Variants in GTF2A1L observed in about 807,000 individuals in gnomAD.
The protein encoded by GTF2A1L is TFIIA-alpha and beta-like factor.
Under a neutral mutation model 49.7 loss-of-function variants are expected in GTF2A1L, and 48 were observed. The observed-to-expected ratio is 0.97, with a 90% CI of 0.77 to 1.23. GTF2A1L has a LOEUF of 1.23. GTF2A1L is among the 50% of genes most tolerant of loss of function. The probability of loss-of-function intolerance (pLI) is 0.00; values close to 1 mark genes in which losing one functional copy is unlikely to be tolerated. For missense variants in GTF2A1L, 736 were observed against 564.8 expected (o/e 1.30, Z -3.07); for synonymous variants, 246 against 193.5 (o/e 1.27, Z -2.25).
At chr2:48,661,530 A>G (rs1678499630) in intron 6 of GTF2A1L, among the ~76,000 whole-genome samples, 1 of 152,104 alleles carries the variant, frequency 6.6e-6, no homozygotes, top group Admixed American at 6.5e-5. Context: ...CTGGGATTAC[A>G]AGCATGAGCC....
At chr2:48,657,673 A>G (rs1044542530) in intron 6 of GTF2A1L, among the ~76,000 whole-genome samples, 5 of 152,064 alleles carry the variant, frequency 3.3e-5, no homozygotes, top group Admixed American at 6.6e-5. Flanking sequence ...GAAATCTCCA[A>G]ACTGCTTTCC....
intron 8 of GTF2A1L, among the ~76,000 whole-genome samples, chr2:48,673,464 A>C (rs1679284577): frequency 6.6e-6 from 1 of 151,032 alleles, no homozygotes; most frequent in Non-Finnish European, 1.5e-5. Flanking sequence ...CCGGGTTCAA[A>C]GGATCTTCCT....
chr2:48,646,689 C>G lies in GTF2A1L; in HGVS notation c.625C>G (p.His209Asp), dbSNP rs1430384951. 1 of 1,614,130 alleles carries G rather than the reference C, an allele frequency of 6.2e-7. No homozygotes were observed. The highest frequency in any genetic ancestry group is 8.5e-7 in the Non-Finnish European group (1 of 1,180,010). Residue 209 changes from histidine (H) to aspartate (D), a missense_variant, in exon 6 of 9, where the codon CAC becomes GAC. Coordinates refer to ENST00000403751, the MANE Select transcript of GTF2A1L (RefSeq NM_006872.5). The part of the protein sequence containing the change: ...ILPSGPVDRK[H>D]LENATSDILV... ...ACCTTCTGGGCCAGTAGATAGGAAACACTTAGAAAATGCCACCAGTGATAT... is the reference window on the plus strand; with the variant it reads ...ACCTTCTGGGCCAGTAGATAGGAAAGACTTAGAAAATGCCACCAGTGATAT...
At chr2:48,659,598 C>T (rs1057381479) in intron 6 of GTF2A1L, among the ~76,000 whole-genome samples, 3 of 151,978 alleles carry the variant, frequency 2.0e-5, no homozygotes, top group Non-Finnish European at 2.9e-5. Context: ...TTTTTGAATC[C>T]ATGAACTTGG....
In GTF2A1L at chr2:48,620,891, G is replaced by A. The variant is rs1221994408; in HGVS notation, c.62G>A (p.Gly21Glu). 3.1e-6 allele frequency: 5 copies of A among 1,602,584 alleles called. No individual in the cohort carries two copies. Among genetic ancestry groups the A allele is most frequent in the Non-Finnish European group, 4.3e-6 (5 of 1,174,804 alleles). The change falls in exon 2 of 9, where the codon GGA becomes GAA. Residue 21 changes from glycine (G) to glutamate (E), a missense_variant. Gly to Glu is a moderately conservative substitution (Grantham distance 98, BLOSUM62 -2). Transcript: ENST00000403751. ...YRSVIEDVIE[G>E]VRNLFAEEGI... ...TCTGTAATTGAAGATGTAATTGAAG[G>A]AGTTCGGAATCTATTTGCTGAAGAA...
At position 48,626,060 on chromosome 2, in the gene GTF2A1L, G is replaced by C; in HGVS notation, c.247+4770G>C. On this transcript the variant is annotated intron_variant, in intron 3 of 8. Coordinates refer to ENST00000403751, the MANE Select transcript of GTF2A1L (RefSeq NM_006872.5). Reference sequence around the variant, plus strand: ...ATTTTTATGTATGGTATGAAAATAAGAGTCCATTTCATTCTTTTGTGTGTG... The same window carrying C: ...ATTTTTATGTATGGTATGAAAATAACAGTCCATTTCATTCTTTTGTGTGTG... 1.4e-5 allele frequency among the ~76,000 whole-genome samples: 2 copies of C among 144,094 alleles called. 1 individual carries two copies. The highest frequency in any genetic ancestry group is 3.1e-5 in the Non-Finnish European group (2 of 64,026). The allele number at this position is 144,094 out of a possible 152,430, so 94.5% of individuals were successfully genotyped here.
intron 3 of GTF2A1L, among the ~76,000 whole-genome samples, chr2:48,640,488 C>G (rs1558723823): frequency 6.6e-6 from 1 of 151,728 alleles, no homozygotes; most frequent in Non-Finnish European, 1.5e-5. Flanking sequence ...ATGATGAGAA[C>G]TCATGAACAC....
At chr2:48,661,451 A>G (rs1410200731) in intron 6 of GTF2A1L, among the ~76,000 whole-genome samples, 2 of 150,892 alleles carry the variant, frequency 1.3e-5, no homozygotes, top group African/African-American at 4.9e-5. Context: ...ACGGGGTTTC[A>G]CCATATTGGC....
intron 3 of GTF2A1L, among the ~76,000 whole-genome samples, chr2:48,634,294 T>C (rs1478778059): frequency 6.6e-6 from 1 of 152,166 alleles, no homozygotes; most frequent in Non-Finnish European, 1.5e-5. Context: ...GTATTTTTAG[T>C]AGAGACGGGA....
At chr2:48,645,353 A>G (rs1677436316) in intron 5 of GTF2A1L, among the ~76,000 whole-genome samples, 1 of 152,178 alleles carries the variant, frequency 6.6e-6, no homozygotes. Context: ...CCAACATTGT[A>G]TAGGGGTTCT....
intron 6 of GTF2A1L, among the ~76,000 whole-genome samples, chr2:48,657,134 A>C (rs575928142): frequency 2.7e-4 from 41 of 152,278 alleles, no homozygotes; most frequent in African/African-American, 9.4e-4. Context: ...CAGGGAGTAC[A>C]TGTGCAAGGT....
intron 8 of GTF2A1L, among the ~76,000 whole-genome samples, chr2:48,675,878 A>G (rs1679442984): frequency 6.6e-6 from 1 of 151,614 alleles, no homozygotes; most frequent in Non-Finnish European, 1.5e-5. Flanking sequence ...ATGTATCTAT[A>G]TATCTCTCTA....
chr2:48,642,120 A>G (rs971528684), intron 3 of GTF2A1L, among the ~76,000 whole-genome samples: 3 of 152,202 alleles, frequency 2.0e-5, no homozygotes, highest in Non-Finnish European at 4.4e-5. Flanking sequence ...CTTAATAAGG[A>G]CAATCTAGGT....
intron 3 of GTF2A1L, among the ~76,000 whole-genome samples, chr2:48,637,061 T>A (rs770802186): frequency 1.1e-4 from 17 of 152,210 alleles, no homozygotes; most frequent in Non-Finnish European, 1.9e-4. Flanking sequence ...AACTTAGATG[T>A]GTTGAAAATT....
chr2:48,619,928 C>T (rs975562566), intron 1 of GTF2A1L, among the ~76,000 whole-genome samples: 2 of 152,090 alleles, frequency 1.3e-5, no homozygotes, highest in Admixed American at 1.3e-4. Context: ...TAAGGTTGTT[C>T]GTGCCCTTCT....
chr2:48,660,022 G>C (rs1030090109), intron 6 of GTF2A1L, among the ~76,000 whole-genome samples: 6 of 152,038 alleles, frequency 3.9e-5, no homozygotes, highest in Non-Finnish European at 7.4e-5. Context: ...GTGTTGATTA[G>C]AAGTGGTGAA....
intron 6 of GTF2A1L, among the ~76,000 whole-genome samples, chr2:48,663,279 CA>C (rs1211170528): frequency 6.6e-6 from 1 of 151,740 alleles, no homozygotes; most frequent in East Asian, 1.9e-4. Flanking sequence ...ATAAAAAATA[CA>C]AAAAAATTAG....
intron 3 of GTF2A1L, 138 bp from the exon 4 acceptor site, chr2:48,642,264 T>C (rs1677239412): frequency 1.3e-6 from 1 of 792,332 alleles, no homozygotes; most frequent in Non-Finnish European, 1.8e-6. Flanking sequence ...TTACCGCACT[T>C]GGAATCAGGA....
intron 5 of GTF2A1L, among the ~76,000 whole-genome samples, chr2:48,645,665 T>A (rs999346230): frequency 6.6e-6 from 1 of 152,220 alleles, no homozygotes; most frequent in Non-Finnish European, 1.5e-5. Context: ...GTCCTTTTTT[T>A]TGAGATGGAG....
Sources: allele counts gnomAD v4.1 joint callset (sites outside exome capture counted in the v4.1 genomes callset), GRCh38; gene constraint gnomAD v4.1.1; transcripts MANE v1.5; gene names NCBI Gene and HGNC (gene_info 2026-07-23, HGNC 2026-07-21).